Variants in CDH12 observed in about 807,000 individuals in gnomAD.
The protein encoded by CDH12 is cadherin 12.
In CDH12, 41 loss-of-function variants were observed where a neutral mutation model predicts 74.1. That is an observed-to-expected ratio of 0.55 (90% CI 0.43 to 0.72). The LOEUF (loss-of-function observed/expected upper bound fraction) is 0.72, where lower values mean the gene tolerates loss of function less well. CDH12 is among the 30% of genes least tolerant of loss of function. The probability of loss-of-function intolerance (pLI) is 0.00; values close to 1 mark genes in which losing one functional copy is unlikely to be tolerated. For synonymous variants in CDH12, 399 were observed against 355.0 expected (o/e 1.12, Z -1.39); for missense variants, 945 against 977.2 (o/e 0.97, Z 0.44).
At chr5:22,315,349 A>G (rs749588043) in intron 3 of CDH12, among the ~76,000 whole-genome samples, 26 of 151,960 alleles carry the variant, frequency 1.7e-4, no homozygotes, top group Non-Finnish European at 3.4e-4. Flanking sequence ...CCTGGAGTCC[A>G]TGCAGATAGC....
chr5:22,153,514 C>T (rs1747755006), intron 4 of CDH12, among the ~76,000 whole-genome samples: 1 of 151,298 alleles, frequency 6.6e-6, no homozygotes, highest in Non-Finnish European at 1.5e-5. Context: ...CTCTGCAATC[C>T]AACTGCTTGG....
At chr5:22,331,373 G>C (rs1248823616) in intron 3 of CDH12, among the ~76,000 whole-genome samples, 1 of 152,150 alleles carries the variant, frequency 6.6e-6, no homozygotes, top group Non-Finnish European at 1.5e-5. Flanking sequence ...AGCACAGAAA[G>C]AGAGACTCCA....
At chr5:22,396,398 T>C (rs1435246268) in intron 3 of CDH12, among the ~76,000 whole-genome samples, 2 of 152,064 alleles carry the variant, frequency 1.3e-5, no homozygotes, top group Non-Finnish European at 2.9e-5. Context: ...CACTGGGTTT[T>C]TGAGAAAAGA....
chr5:22,663,251 C>A (rs1740439428), intron 1 of CDH12, among the ~76,000 whole-genome samples: 1 of 152,136 alleles, frequency 6.6e-6, no homozygotes, highest in African/African-American at 2.4e-5. Flanking sequence ...CATAAATATT[C>A]CAGATACCTT....
chr5:22,090,349 G>A (rs1487329144), intron 4 of CDH12, among the ~76,000 whole-genome samples: 3 of 151,460 alleles, frequency 2.0e-5, no homozygotes, highest in Non-Finnish European at 4.4e-5. Context: ...TAGAAGCCCT[G>A]ATTAGGACTA....
chr5:22,236,648 G>C (rs1448141648), intron 3 of CDH12, among the ~76,000 whole-genome samples: 1 of 152,166 alleles, frequency 6.6e-6, no homozygotes, highest in Non-Finnish European at 1.5e-5. Flanking sequence ...TTGGGAGGCT[G>C]AGGCAGGAGA....
intron 3 of CDH12, among the ~76,000 whole-genome samples, chr5:22,285,088 G>A (rs1737076401): frequency 6.6e-6 from 1 of 151,902 alleles, no homozygotes; most frequent in Non-Finnish European, 1.5e-5. Context: ...ACAAATTCAT[G>A]GAATAAAACA....
intron 1 of CDH12, among the ~76,000 whole-genome samples, chr5:22,830,937 A>G (rs1736576521): frequency 6.6e-6 from 1 of 151,760 alleles, no homozygotes; most frequent in Non-Finnish European, 1.5e-5. Context: ...TAAACTCCTC[A>G]TTAACCATAT....
At chr5:22,162,547 C>T (rs1462845497) in intron 4 of CDH12, among the ~76,000 whole-genome samples, 1 of 152,200 alleles carries the variant, frequency 6.6e-6, no homozygotes, top group Admixed American at 6.5e-5. Context: ...GTTGACCAGG[C>T]AGGCGTAAAC....
chr5:22,823,714 T>A (rs531182622), intron 1 of CDH12, among the ~76,000 whole-genome samples: 6 of 152,090 alleles, frequency 3.9e-5, no homozygotes, highest in Admixed American at 3.9e-4. Flanking sequence ...CATGCTGTTC[T>A]CATGATAATA....
intron 3 of CDH12, among the ~76,000 whole-genome samples, chr5:22,361,167 A>G (rs990671892): frequency 6.6e-6 from 1 of 152,208 alleles, no homozygotes; most frequent in African/African-American, 2.4e-5. Flanking sequence ...ACATGATTGC[A>G]TATCTAGAAA....
At chr5:22,258,566 T>C (rs1276081979) in intron 3 of CDH12, among the ~76,000 whole-genome samples, 2 of 151,962 alleles carry the variant, frequency 1.3e-5, no homozygotes, top group African/African-American at 4.8e-5. Flanking sequence ...AAAAAAGTCC[T>C]AGGCCTTCAC....
chr5:21,913,258 T>C (rs1025167212), intron 6 of CDH12, among the ~76,000 whole-genome samples: 1 of 152,146 alleles, frequency 6.6e-6, no homozygotes, highest in African/African-American at 2.4e-5. Context: ...AGAAAAACTA[T>C]TGGTTCTGAG....
At chr5:22,836,550 G>C (rs557683963) in intron 1 of CDH12, among the ~76,000 whole-genome samples, 4 of 151,842 alleles carry the variant, frequency 2.6e-5, no homozygotes, top group African/African-American at 9.7e-5. Context: ...TTTTTAAGGG[G>C]CTTTTTATGT....
At chr5:22,519,270 T>C (rs1370942495) in intron 1 of CDH12, among the ~76,000 whole-genome samples, 1 of 152,174 alleles carries the variant, frequency 6.6e-6, no homozygotes, top group East Asian at 1.9e-4. Context: ...TAAAAGTATC[T>C]ATATCTTCTT....
intron 8 of CDH12, among the ~76,000 whole-genome samples, chr5:21,835,656 T>G (rs10065000): frequency 0.037 from 5,617 of 151,874 alleles, 352 homozygotes; most frequent in African/African-American, 0.12. Flanking sequence ...ATACACTTTG[T>G]GGCCACATCA....
intron 1 of CDH12, among the ~76,000 whole-genome samples, chr5:22,552,628 C>A (rs1299649930): frequency 6.6e-6 from 1 of 152,102 alleles, no homozygotes; most frequent in African/African-American, 2.4e-5. Context: ...GGGGTTTCAC[C>A]GTGTTAGTCA....
At chr5:22,165,675 G>C (rs1372226102) in intron 4 of CDH12, among the ~76,000 whole-genome samples, 1 of 152,150 alleles carries the variant, frequency 6.6e-6, no homozygotes, top group Non-Finnish European at 1.5e-5. Flanking sequence ...TGCATCCCCA[G>C]ATAGGCATTC....
At chr5:22,054,270 T>C (rs1252445713) in intron 5 of CDH12, among the ~76,000 whole-genome samples, 1 of 152,164 alleles carries the variant, frequency 6.6e-6, no homozygotes. Flanking sequence ...TCATATTCTA[T>C]AAAAGTTATA....
Sources: gnomAD v4.1 joint callset for allele counts (sites outside exome capture counted in the v4.1 genomes callset) on GRCh38, gnomAD v4.1.1 for gene constraint, MANE v1.5 for transcripts, NCBI Gene and HGNC (gene_info 2026-07-23, HGNC 2026-07-21) for gene names.